The following CAPZB variants were observed in gnomAD, a reference collection of about 807,000 sequenced individuals.
The protein encoded by CAPZB is F-actin-capping protein subunit beta.
A neutral mutation model predicts 38.1 loss-of-function variants in CAPZB; 2 were observed. That is an observed-to-expected ratio of 0.05 (90% CI 0.02 to 0.17). CAPZB has a LOEUF of 0.17. Among genes scored for constraint, CAPZB ranks in the 10% least tolerant of loss-of-function variants. The pLI is 1.00. For synonymous variants in CAPZB, 107 were observed against 127.4 expected (o/e 0.84, Z 1.08); for missense variants, 161 against 334.2 (o/e 0.48, Z 4.04).
intron 4 of CAPZB, among the ~76,000 whole-genome samples, chr1:19,361,545 C>T (rs575261762): frequency 4.5e-4 from 69 of 152,362 alleles, no homozygotes; most frequent in Middle Eastern, 3.4e-3. Flanking sequence ...GACTGCAGGG[C>T]GCACAGACAG....
At chr1:19,442,070 T>C (rs2094479207) in intron 1 of CAPZB, among the ~76,000 whole-genome samples, 1 of 149,186 alleles carries the variant, frequency 6.7e-6, no homozygotes, top group South Asian at 2.1e-4. Context: ...GCATCAGTGA[T>C]AGCTCCAAAT....
At chr1:19,401,724 T>C (rs1461647347) in intron 2 of CAPZB, among the ~76,000 whole-genome samples, 1 of 152,150 alleles carries the variant, frequency 6.6e-6, no homozygotes, top group Non-Finnish European at 1.5e-5. Context: ...GCTGTGTTTT[T>C]TGTTTGCATT....
At chr1:19,378,877 C>T (rs940980324) in intron 3 of CAPZB, among the ~76,000 whole-genome samples, 2 of 152,204 alleles carry the variant, frequency 1.3e-5, no homozygotes, top group African/African-American at 4.8e-5. Flanking sequence ...CCACCTCTCA[C>T]TGGCTGTGAA....
chr1:19,342,760 G>T, intron 8 of CAPZB: 2 of 1,605,934 alleles, frequency 1.2e-6, no homozygotes, highest in Non-Finnish European at 1.7e-6. Flanking sequence ...ACCTGGATCG[G>T]CTTAATTATC....
intron 1 of CAPZB, chr1:19,484,192 G>T: frequency 6.2e-7 from 1 of 1,611,920 alleles, no homozygotes; most frequent in Non-Finnish European, 8.5e-7. Flanking sequence ...CTGCTCACCT[G>T]ATCCGAGGGA....
At chr1:19,446,125 G>T (rs1225265900) in intron 1 of CAPZB, among the ~76,000 whole-genome samples, 2 of 152,178 alleles carry the variant, frequency 1.3e-5, no homozygotes, top group African/African-American at 4.8e-5. Flanking sequence ...AAGAGCGCCA[G>T]CCCTGAAAAT....
chr1:19,366,165 G>T (rs1371126487), intron 4 of CAPZB, among the ~76,000 whole-genome samples: 1 of 151,708 alleles, frequency 6.6e-6, no homozygotes, highest in Non-Finnish European at 1.5e-5. Flanking sequence ...AGTGGTCTTA[G>T]GTCAGGCATG....
At chr1:19,440,230 G>C (rs1321656471) in intron 1 of CAPZB, among the ~76,000 whole-genome samples, 1 of 152,066 alleles carries the variant, frequency 6.6e-6, no homozygotes, top group Non-Finnish European at 1.5e-5. Context: ...GAGAGACGGG[G>C]TTTCACCATG....
At chr1:19,396,138 C>T (rs1401996493) in intron 2 of CAPZB, among the ~76,000 whole-genome samples, 5 of 152,258 alleles carry the variant, frequency 3.3e-5, no homozygotes, top group Admixed American at 1.3e-4. Context: ...GTGCAGGATG[C>T]GGTCTTGAGC....
intron 2 of CAPZB, among the ~76,000 whole-genome samples, chr1:19,406,766 C>T (rs980795480): frequency 6.6e-6 from 1 of 152,176 alleles, no homozygotes; most frequent in Non-Finnish European, 1.5e-5. Context: ...CAGTACCTGG[C>T]ACACGATAGT....
chr1:19,476,945 G>A (rs1248364690), intron 1 of CAPZB, among the ~76,000 whole-genome samples: 3 of 152,218 alleles, frequency 2.0e-5, no homozygotes, highest in African/African-American at 7.2e-5. Flanking sequence ...CATGCGCTGA[G>A]TGCGGTGGAC....
chr1:19,469,315 G>A (rs1039458138), intron 1 of CAPZB, among the ~76,000 whole-genome samples: 2 of 152,176 alleles, frequency 1.3e-5, no homozygotes, highest in African/African-American at 4.8e-5. Flanking sequence ...TTATTTCAGT[G>A]TGTACTTTCT....
chr1:19,449,065 A>T (rs536278739), intron 1 of CAPZB: 1 of 1,463,942 alleles, frequency 6.8e-7, no homozygotes, highest in East Asian at 2.5e-5. Flanking sequence ...ATCTGACCCA[A>T]GCAGCTGGCC....
chr1:19,407,580 C>G (rs1448346439), intron 2 of CAPZB, among the ~76,000 whole-genome samples: 1 of 152,138 alleles, frequency 6.6e-6, no homozygotes, highest in Non-Finnish European at 1.5e-5. Flanking sequence ...AGAAAGGATC[C>G]TGAGGACCCA....
chr1:19,418,506 A>G (rs2094389720), intron 2 of CAPZB, among the ~76,000 whole-genome samples: 1 of 152,202 alleles, frequency 6.6e-6, no homozygotes, highest in Non-Finnish European at 1.5e-5. Context: ...CATCACAAGC[A>G]TGTGCAGTTG....
intron 1 of CAPZB, among the ~76,000 whole-genome samples, chr1:19,458,510 A>G (rs2094540326): frequency 6.6e-6 from 1 of 152,164 alleles, no homozygotes; most frequent in African/African-American, 2.4e-5. Flanking sequence ...GCCTGCCACC[A>G]AGCCTGGCTA....
intron 2 of CAPZB, among the ~76,000 whole-genome samples, chr1:19,390,302 T>C (rs4912082): frequency 0.31 from 46,781 of 151,952 alleles, 7,351 homozygotes; most frequent in African/African-American, 0.37. Context: ...TTGGGGTGCA[T>C]GTGGCACTGG....
intron 1 of CAPZB, among the ~76,000 whole-genome samples, chr1:19,439,873 T>C (rs1432532456): frequency 6.6e-6 from 1 of 152,216 alleles, no homozygotes. Context: ...CCTGCAAGTA[T>C]TCTGTTTTGG....
intron 3 of CAPZB, among the ~76,000 whole-genome samples, chr1:19,383,799 C>A (rs1411740428): frequency 6.6e-6 from 1 of 152,110 alleles, no homozygotes; most frequent in African/African-American, 2.4e-5. Context: ...TATGCCTGCT[C>A]CTCCCCGAGT....
Sources: gnomAD v4.1 joint callset for allele counts (sites outside exome capture counted in the v4.1 genomes callset) on GRCh38, gnomAD v4.1.1 for gene constraint, MANE v1.5 for transcripts, NCBI Gene and HGNC (gene_info 2026-07-23, HGNC 2026-07-21) for gene names.